The following ARNT2 variants were observed in gnomAD, a reference collection of about 807,000 sequenced individuals.
ARNT2 encodes ARNT protein 2.
ARNT2 carries 36 observed loss-of-function variants against 91.7 expected under a neutral mutation model. The observed-to-expected ratio is 0.39, with a 90% confidence interval of 0.30 to 0.52. The LOEUF is 0.52. Among genes scored for constraint, ARNT2 ranks in the 20% least tolerant of loss-of-function variants. The probability of loss-of-function intolerance (pLI) is 0.72; values close to 1 mark genes in which losing one functional copy is unlikely to be tolerated. For synonymous variants in ARNT2, 365 were observed against 347.1 expected (o/e 1.05, Z -0.57); for missense variants, 775 against 939.3 (o/e 0.83, Z 2.29).
intron 8 of ARNT2, among the ~76,000 whole-genome samples, chr15:80,542,500 T>C (rs1030688697): frequency 6.6e-6 from 1 of 152,210 alleles, no homozygotes; most frequent in Non-Finnish European, 1.5e-5. Flanking sequence ...ATGTTTCTGC[T>C]CCTCAATATC....
intron 17 of ARNT2, among the ~76,000 whole-genome samples, chr15:80,586,629 GC>G (rs1257685130): frequency 6.6e-6 from 1 of 152,086 alleles, no homozygotes; most frequent in East Asian, 1.9e-4. Context: ...CCTTTGGGAG[GC>G]CGAGGTGGGT....
intron 8 of ARNT2, among the ~76,000 whole-genome samples, chr15:80,522,798 ATG>A (rs367547537): frequency 0.079 from 11,238 of 142,326 alleles, 473 homozygotes; most frequent in Middle Eastern, 0.13. Flanking sequence ...ATATTTACAT[ATG>A]TGTGTGTGTG....
chr15:80,593,877 T>G lies in ARNT2; in HGVS notation c.*179T>G. On this transcript the variant is annotated 3_prime_UTR_variant, in exon 19 of 19. Transcript: ENST00000303329. ...CTCCACTCTCCCCTGCAGCCGCGGC[T>G]GCTCGGCCACTGACCAGGGGCCCTG... 4.7e-5 allele frequency: 28 copies of G among 590,632 alleles called. No individual in the cohort carries two copies. The highest frequency in any genetic ancestry group is 4.2e-5 in the Non-Finnish European group (14 of 334,330). The allele number at this position is 590,632 out of a possible 1,614,324, so 36.6% of individuals were successfully genotyped here. A position where few individuals can be genotyped will look rare whatever the true frequency, so the allele number is the denominator to read the frequency against.
At chr15:80,428,721 A>G (rs1168407325) in intron 1 of ARNT2, among the ~76,000 whole-genome samples, 1 of 152,242 alleles carries the variant, frequency 6.6e-6, no homozygotes, top group East Asian at 1.9e-4. Flanking sequence ...AGGATTCTGA[A>G]GGAAACAGAG....
At chr15:80,535,074 G>A (rs1271518213) in intron 8 of ARNT2, among the ~76,000 whole-genome samples, 1 of 152,184 alleles carries the variant, frequency 6.6e-6, no homozygotes, top group Non-Finnish European at 1.5e-5. Flanking sequence ...TACATTCAGG[G>A]CAGGAGGAAG....
At position 80,561,096 on chromosome 15, in the gene ARNT2, C is replaced by A. The variant is rs552467641; in HGVS notation, c.1165-1992C>A. On this transcript the variant is annotated intron_variant, in intron 11 of 18. Coordinates refer to ENST00000303329, the MANE Select transcript of ARNT2 (RefSeq NM_014862.4). The stretch of plus-strand genomic sequence containing the variant: ...CTTGAGGATAGAGATGGGGTATTCA[C>A]AGGTGACCAAGATGTCCCTGTCCCC... 2.8e-4 allele frequency among the ~76,000 whole-genome samples: 43 copies of A among 152,320 alleles called. No homozygotes were observed. The Middle Eastern group carries it at 0.01, about 36-fold the overall frequency.
At chr15:80,429,361 C>G (rs1895976948) in intron 1 of ARNT2, among the ~76,000 whole-genome samples, 1 of 152,190 alleles carries the variant, frequency 6.6e-6, no homozygotes, top group Non-Finnish European at 1.5e-5. Flanking sequence ...CGCACCTTCA[C>G]AGTGGAACCT....
chr15:80,470,343 G>T lies in ARNT2; in HGVS notation c.320G>T (p.Arg107Leu). 8.7e-6 allele frequency: 14 copies of T among 1,614,112 alleles called. No homozygotes were observed. The highest frequency in any genetic ancestry group is 1.1e-5 in the South Asian group (1 of 91,074). ...ARKPDKLTIL[R>L]MAVSHMKSMR... is the part of the protein sequence containing the mutation. ...AAGCCAGACAAGCTCACCATCCTCC[G>T]CATGGCCGTCTCGCACATGAAGTCC... Residue 107 changes from arginine (R) to leucine (L), a missense_variant, in exon 4 of 19, where the codon CGC becomes CTC. Physicochemically the swap from Arg to Leu is moderately radical, Grantham distance 102. This residue lies in a region of ARNT2 where 83 missense variants were observed against 149.4 expected (regional missense o/e 0.56). Coordinates refer to ENST00000303329, the MANE Select transcript of ARNT2 (RefSeq NM_014862.4).
At chr15:80,457,077 T>G (rs911137122) in intron 2 of ARNT2, among the ~76,000 whole-genome samples, 1 of 152,198 alleles carries the variant, frequency 6.6e-6, no homozygotes, top group African/African-American at 2.4e-5. Context: ...CTGGGTACAC[T>G]TGACACCAAT....
chr15:80,453,642 G>A (rs1421153348), intron 2 of ARNT2, among the ~76,000 whole-genome samples: 2 of 152,102 alleles, frequency 1.3e-5, no homozygotes, highest in South Asian at 2.1e-4. Flanking sequence ...CACTCTCATC[G>A]AAATGCAGGT....
At chr15:80,481,519 G>T (rs927990270) in intron 5 of ARNT2, among the ~76,000 whole-genome samples, 10 of 152,078 alleles carry the variant, frequency 6.6e-5, no homozygotes, top group African/African-American at 2.2e-4. Context: ...AGACCAGCCG[G>T]AGTATCATAG....
chr15:80,431,230 G>C (rs1269740165), intron 1 of ARNT2, among the ~76,000 whole-genome samples: 1 of 152,160 alleles, frequency 6.6e-6, no homozygotes, highest in African/African-American at 2.4e-5. Flanking sequence ...CGCCCCCTCT[G>C]TCCTCTCTGC....
chr15:80,568,989 G>A (rs772914998), intron 12 of ARNT2, among the ~76,000 whole-genome samples: 8 of 152,184 alleles, frequency 5.3e-5, no homozygotes, highest in Non-Finnish European at 8.8e-5. Context: ...GCTGCTCCCT[G>A]CCCTGATCGA....
intron 5 of ARNT2, among the ~76,000 whole-genome samples, chr15:80,495,916 C>T (rs1395678405): frequency 3.3e-5 from 5 of 152,222 alleles, no homozygotes; most frequent in African/African-American, 1.2e-4. Flanking sequence ...TTTCCCTGAC[C>T]CAGTCTGCTC....
At chr15:80,586,802 C>G (rs1435270519) in intron 17 of ARNT2, among the ~76,000 whole-genome samples, 1 of 148,470 alleles carries the variant, frequency 6.7e-6, no homozygotes, top group Non-Finnish European at 1.5e-5. Context: ...GATTGCACCA[C>G]TGCACTCCAG....
intron 8 of ARNT2, among the ~76,000 whole-genome samples, chr15:80,523,505 C>G (rs1342795804): frequency 6.6e-6 from 1 of 152,204 alleles, no homozygotes; most frequent in Non-Finnish European, 1.5e-5. Flanking sequence ...CTGACAAATT[C>G]TGTGCCATTC....
intron 4 of ARNT2, among the ~76,000 whole-genome samples, chr15:80,473,731 C>A (rs972336416): frequency 3.9e-5 from 6 of 152,180 alleles, no homozygotes; most frequent in Non-Finnish European, 8.8e-5. Flanking sequence ...AGGGCTTAGA[C>A]ACATTTACAA....
intron 5 of ARNT2, among the ~76,000 whole-genome samples, chr15:80,506,484 T>C (rs961816930): frequency 2.6e-5 from 4 of 152,198 alleles, no homozygotes; most frequent in Admixed American, 6.5e-5. Context: ...GAATCCTTGC[T>C]GAGGACAGTG....
At chr15:80,444,609 A>G (rs1016028648) in intron 1 of ARNT2, 2 of 139,858 alleles carry the variant, frequency 1.4e-5, no homozygotes, top group Non-Finnish European at 3.1e-5. Context: ...TGTATGAGCA[A>G]TGTGTGTTGT....
Sources: allele counts gnomAD v4.1 joint callset (sites outside exome capture counted in the v4.1 genomes callset), GRCh38; gene constraint gnomAD v4.1.1; regional missense constraint gnomAD v4.1.1; transcripts MANE v1.5; gene names NCBI Gene and HGNC (gene_info 2026-07-23, HGNC 2026-07-21).